QPCT: variants seen among roughly 807,000 people sequenced by gnomAD.
The protein encoded by QPCT is EC.
In QPCT, 44 loss-of-function variants were observed where a neutral mutation model predicts 43.4. The ratio of observed to expected loss-of-function variants is 1.01; its 90% CI spans 0.80 to 1.30. The LOEUF (loss-of-function observed/expected upper bound fraction) is 1.30, where lower values mean the gene tolerates loss of function less well. Among genes scored for constraint, QPCT ranks in the 50% most tolerant of loss-of-function variants. The pLI, the probability that QPCT is intolerant of heterozygous loss-of-function variation, is 0.00. For synonymous variants in QPCT, 168 were observed against 168.4 expected, an observed-to-expected ratio of 1.00 and a Z score of 0.02; for missense variants, 526 against 436.5, an observed-to-expected ratio of 1.21 and a Z score of -1.83.
At chr2:37,370,826 A>G (rs1673057203) in intron 5 of QPCT, among the ~76,000 whole-genome samples, 1 of 152,192 alleles carries the variant, frequency 6.6e-6, no homozygotes, top group Non-Finnish European at 1.5e-5. Flanking sequence ...ACAAAACAAA[A>G]CAAAACAAAG....
chr2:37,358,223 G>A (rs997960376), intron 2 of QPCT, among the ~76,000 whole-genome samples: 2 of 151,288 alleles, frequency 1.3e-5, no homozygotes, highest in African/African-American at 2.4e-5. Flanking sequence ...GACCAGCCCC[G>A]GCAATATGGC....
intron 1 of QPCT, among the ~76,000 whole-genome samples, chr2:37,351,588 A>G (rs1260715122): frequency 6.6e-6 from 1 of 152,208 alleles, no homozygotes; most frequent in African/African-American, 2.4e-5. Flanking sequence ...TCTAATAGAA[A>G]TAATGACTCA....
At position 37,367,415 on chromosome 2, in the gene QPCT, C is replaced by T. The variant is rs1303571678; in HGVS notation, c.723+7C>T. 6 of 1,612,296 alleles carry T rather than the reference C, an allele frequency of 3.7e-6. No homozygotes were observed. The South Asian group carries it at 4.4e-5, about 12-fold the overall frequency. On this transcript the variant is annotated splice_region_variant and intron_variant, in intron 4 of 6. Transcript: ENST00000338415. ...CAGCCAACTGCATGGCATGGTTAGTCTGGGCAATTTCCCTAGCACTGTAGC... is the reference window on the plus strand; with the variant it reads ...CAGCCAACTGCATGGCATGGTTAGTTTGGGCAATTTCCCTAGCACTGTAGC...
At chr2:37,350,563 G>A (rs1466495136) in intron 1 of QPCT, among the ~76,000 whole-genome samples, 1 of 152,196 alleles carries the variant, frequency 6.6e-6, no homozygotes, top group Admixed American at 6.5e-5. Flanking sequence ...GGAATAAACT[G>A]GAAGTGCATA....
rs151306583 is a variant in QPCT at position 37,367,233 on chromosome 2, C to T, written c.548C>T (p.Thr183Ile). Residue 183 changes from threonine (T) to isoleucine (I), a missense_variant and splice_region_variant, in exon 4 of 7, where the codon ACT becomes ATT. By Grantham distance (89) the Thr-to-Ile change is moderately conservative (BLOSUM62 -1). Transcript: ENST00000338415. Reference protein sequence around the residue: ...ALDKKLLSLKTVSDSKPDLSL... With the variant: ...ALDKKLLSLKIVSDSKPDLSL... ...TGTTTTTATTGTTGTTTTTACCAGACTGTTTCAGACTCCAAGCCAGATTTG... is the reference window on the plus strand; with the variant it reads ...TGTTTTTATTGTTGTTTTTACCAGATTGTTTCAGACTCCAAGCCAGATTTG... 5.6e-6 allele frequency: 9 copies of T among 1,610,080 alleles called. No homozygotes were observed. Among genetic ancestry groups the T allele is most frequent in the African/African-American group, 2.7e-5 (2 of 74,584 alleles).
rs139710652 is a variant in QPCT, at chr2:37,361,333, C to T, written c.546+1475C>T. Among the ~76,000 whole-genome samples, 16 of 152,288 alleles carry T rather than the reference C, an allele frequency of 1.1e-4. No individual in the cohort carries two copies. In the East Asian group the frequency reaches 2.9e-3, roughly 27 times the overall value. On this transcript the variant is annotated intron_variant, in intron 3 of 6. Transcript: ENST00000338415. Reference sequence around the variant, plus strand: ...TAAGTAGACTGGATTATTCGCAACTCTTCATAGCTCCACTTCTCTCCAGTA... The same window carrying T: ...TAAGTAGACTGGATTATTCGCAACTTTTCATAGCTCCACTTCTCTCCAGTA...
chr2:37,345,530 C>G (rs72864834), intron 1 of QPCT, among the ~76,000 whole-genome samples: 3,155 of 152,184 alleles, frequency 0.021, 129 homozygotes, highest in African/African-American at 0.073. Context: ...TTGCAAGTTC[C>G]CTCTGTAAGA....
At chr2:37,366,244 G>A (rs1019198614) in intron 3 of QPCT, among the ~76,000 whole-genome samples, 1 of 152,162 alleles carries the variant, frequency 6.6e-6, no homozygotes, top group Admixed American at 6.5e-5. Context: ...GTCAGACGGA[G>A]GAAAGTGTAA....
At chr2:37,346,245 G>A (rs1255071466) in intron 1 of QPCT, among the ~76,000 whole-genome samples, 2 of 152,208 alleles carry the variant, frequency 1.3e-5, no homozygotes, top group Non-Finnish European at 2.9e-5. Context: ...CAGGGAACCT[G>A]GTGGTAGTGA....
chr2:37,346,391 TG>T lies in QPCT; in HGVS notation c.120+1543del, dbSNP rs552869569. On this transcript the variant is annotated intron_variant, in intron 1 of 6. Coordinates refer to ENST00000338415, the MANE Select transcript of QPCT (RefSeq NM_012413.4). The stretch of plus-strand genomic sequence containing the variant: ...TGAGAATACCCTTCTGGTCAGAAAT[TG>T]GGAAGAGAACATTACAGACTGGAAT... 8.5e-5 allele frequency among the ~76,000 whole-genome samples: 13 copies of T among 152,298 alleles called. No homozygotes were observed. In the South Asian group the frequency reaches 2.7e-3, roughly 32 times the overall value.
At chr2:37,369,864 T>C (rs1673038919) in intron 5 of QPCT, 80 bp downstream of exon 5, 3 of 1,376,190 alleles carry the variant, frequency 2.2e-6, no homozygotes, top group Non-Finnish European at 2.1e-6. Flanking sequence ...TTAAAATTTA[T>C]AATTTGGCTG....
At chr2:37,356,772 C>G (rs960062072) in intron 2 of QPCT, among the ~76,000 whole-genome samples, 1 of 152,164 alleles carries the variant, frequency 6.6e-6, no homozygotes, top group African/African-American at 2.4e-5. Flanking sequence ...CTTTGGGAGG[C>G]TGAGGCAGGC....
rs750310275 is a variant in QPCT, at chr2:37,369,728, C to A, written c.767C>A (p.Thr256Lys). The change falls in exon 5 of 7, where the codon ACG (threonine) becomes AAG (lysine). Residue 256 changes from threonine to lysine, a missense_variant. Physicochemically the swap from Thr to Lys is moderately conservative, Grantham distance 78. Transcript: ENST00000338415. ...GATTTGATTGGAGCTCCAAACCCAA[C>A]GTTTCCCAATTTTTTTCCAAACTCA... Reference protein sequence around the residue: ...LLDLIGAPNPTFPNFFPNSAR... With the variant: ...LLDLIGAPNPKFPNFFPNSAR... 5.0e-6 allele frequency: 8 copies of A among 1,609,568 alleles called. No individual in the cohort carries two copies. Among genetic ancestry groups the A allele is most frequent in the Non-Finnish European group, 6.0e-6 (7 of 1,175,800 alleles).
At chr2:37,350,137 G>C (rs981084142) in intron 1 of QPCT, among the ~76,000 whole-genome samples, 6 of 152,150 alleles carry the variant, frequency 3.9e-5, no homozygotes, top group Non-Finnish European at 7.3e-5. Flanking sequence ...GAAGAGGAGG[G>C]GAAACAGCTT....
At chr2:37,366,624 G>C (rs1479903430) in intron 3 of QPCT, among the ~76,000 whole-genome samples, 1 of 152,224 alleles carries the variant, frequency 6.6e-6, no homozygotes, top group Non-Finnish European at 1.5e-5. Flanking sequence ...CTCTGACATG[G>C]AGTTTAGTAT....
intron 2 of QPCT, among the ~76,000 whole-genome samples, chr2:37,356,476 T>C (rs1026268113): frequency 6.6e-6 from 1 of 152,208 alleles, no homozygotes; most frequent in African/African-American, 2.4e-5. Context: ...GGAAGGCAGC[T>C]GCTTTAGAGT....
At chr2:37,365,651 G>A (rs1205044749) in intron 3 of QPCT, among the ~76,000 whole-genome samples, 3 of 152,198 alleles carry the variant, frequency 2.0e-5, no homozygotes, top group African/African-American at 7.2e-5. Context: ...GATGATGTAG[G>A]AGAGAAATGG....
chr2:37,367,291 G>T lies in QPCT; in HGVS notation c.606G>T (p.Glu202Asp), dbSNP rs762838554. 3.1e-6 allele frequency: 5 copies of T among 1,613,946 alleles called. No homozygotes were observed. The Admixed American group carries it at 6.7e-5, about 22-fold the overall frequency. The change falls in exon 4 of 7, where the codon GAG (glutamate) becomes GAT (aspartate). Residue 202 changes from glutamate to aspartate, a missense_variant. Physicochemically the swap from Glu to Asp is conservative, Grantham distance 45. Transcript: ENST00000338415. ...SLQLIFFDGEEAFLHWSPQDS... is the reference protein window; with the variant it reads ...SLQLIFFDGEDAFLHWSPQDS... ...AGCTGATCTTCTTTGATGGTGAAGA[G>T]GCTTTTCTTCACTGGTCTCCTCAAG...
At chr2:37,366,819 A>G (rs2124941558) in intron 3 of QPCT, among the ~76,000 whole-genome samples, 1 of 152,152 alleles carries the variant, frequency 6.6e-6, no homozygotes, top group African/African-American at 2.4e-5. Context: ...GTAGGTCAGC[A>G]CTGGATGTGG....
Sources: gnomAD v4.1 joint callset for allele counts (sites outside exome capture counted in the v4.1 genomes callset) on GRCh38, gnomAD v4.1.1 for gene constraint, MANE v1.5 for transcripts, NCBI Gene and HGNC (gene_info 2026-07-23, HGNC 2026-07-21) for gene names.